KLF8: variants seen among roughly 807,000 people sequenced by gnomAD.
The protein encoded by KLF8 is Krueppel-like factor 8.
KLF8 carries 10 observed loss-of-function variants against 18.2 expected under a neutral mutation model. That is an observed-to-expected ratio of 0.55 (90% CI 0.34 to 0.93). The LOEUF (loss-of-function observed/expected upper bound fraction) is 0.93, where lower values mean the gene tolerates loss of function less well. KLF8 is among the 40% of genes least tolerant of loss of function. The pLI, the probability that KLF8 is intolerant of heterozygous loss-of-function variation, is 0.02. For synonymous variants in KLF8, 109 were observed against 97.3 expected (o/e 1.12, Z -0.71); for missense variants, 264 against 277.9 (o/e 0.95, Z 0.36).
the KLF8 span, among the ~76,000 whole-genome samples, chrX:56,077,933 G>A: frequency 9.0e-6 from 1 of 111,450 alleles, no homozygotes; most frequent in Non-Finnish European, 1.9e-5. Context: ...TCATGATTTG[G>A]CCTCTGTTTG....
At chrX:56,017,582 C>T in the KLF8 span, among the ~76,000 whole-genome samples, 1 of 111,906 alleles carries the variant, frequency 8.9e-6, no homozygotes, top group East Asian at 2.8e-4. Flanking sequence ...AAGTATTCCC[C>T]CAGTGCACTG....
At chrX:56,056,946 T>G in the KLF8 span, among the ~76,000 whole-genome samples, 1 of 110,905 alleles carries the variant, frequency 9.0e-6, no homozygotes, top group African/African-American at 3.3e-5. Context: ...TGTAATGCGG[T>G]TACTGAAGAA....
the KLF8 span, among the ~76,000 whole-genome samples, chrX:56,164,729 CTTTTTT>C: frequency 1.9e-5 from 1 of 51,918 alleles, no homozygotes; most frequent in African/African-American, 8.6e-5. Flanking sequence ...CTTGTTATCT[CTTTTTT>C]TTTTTTTTTT....
the KLF8 span, among the ~76,000 whole-genome samples, chrX:56,099,651 C>T: frequency 9.0e-6 from 1 of 111,342 alleles, no homozygotes; most frequent in African/African-American, 3.3e-5. Flanking sequence ...CACACCAACA[C>T]GAATGCAAAA....
chrX:56,085,107 A>G, the KLF8 span, among the ~76,000 whole-genome samples: 2 of 112,043 alleles, frequency 1.8e-5, no homozygotes, highest in African/African-American at 6.5e-5. Flanking sequence ...TTTCTGAGCT[A>G]ATTAGCCCCA....
chrX:56,172,557 A>C, the KLF8 span, among the ~76,000 whole-genome samples: 1 of 111,749 alleles, frequency 8.9e-6, no homozygotes, highest in African/African-American at 3.3e-5. Flanking sequence ...ATAGTGCCCC[A>C]ATAAACATAT....
At chrX:56,004,949 C>T in the KLF8 span, among the ~76,000 whole-genome samples, 3 of 111,423 alleles carry the variant, frequency 2.7e-5, no homozygotes, top group Non-Finnish European at 3.8e-5. Flanking sequence ...AAGCCACCCA[C>T]TTTGCTCCAG....
At chrX:56,192,991 G>A in the KLF8 span, among the ~76,000 whole-genome samples, 1 of 112,213 alleles carries the variant, frequency 8.9e-6, no homozygotes, top group African/African-American at 3.2e-5. Flanking sequence ...AAGTTAGAAA[G>A]CTCTGCACAA....
the KLF8 span, among the ~76,000 whole-genome samples, chrX:56,009,031 G>A: frequency 9.0e-6 from 1 of 111,283 alleles, no homozygotes; most frequent in South Asian, 3.9e-4. Context: ...GAAGAATCTA[G>A]GCAGTACGGA....
chrX:55,987,342 C>A, the KLF8 span, among the ~76,000 whole-genome samples: 1,418 of 110,238 alleles, frequency 0.013, 11 homozygotes, highest in Non-Finnish European at 0.021. Context: ...TAATGCTATA[C>A]CTCCCCCCTC....
At chrX:56,192,505 G>T in the KLF8 span, among the ~76,000 whole-genome samples, 2 of 111,626 alleles carry the variant, frequency 1.8e-5, no homozygotes, top group Non-Finnish European at 3.8e-5. Context: ...ACCTAAAATA[G>T]CCAAAGCTGT....
At chrX:56,216,495 C>T in the KLF8 span, among the ~76,000 whole-genome samples, 357 of 106,718 alleles carry the variant, frequency 3.3e-3, 1 homozygote, top group African/African-American at 0.012. Context: ...GTAGAGCATA[C>T]CACCATATCT....
At chrX:56,088,404 T>C in the KLF8 span, among the ~76,000 whole-genome samples, 3 of 111,405 alleles carry the variant, frequency 2.7e-5, no homozygotes, top group African/African-American at 9.8e-5. Context: ...ATTGAGTGTA[T>C]AGGTACATTT....
At chrX:56,239,211 A>G (rs2066515247) in intron 1 of KLF8, among the ~76,000 whole-genome samples, 1 of 111,612 alleles carries the variant, frequency 9.0e-6, no homozygotes, top group Non-Finnish European at 1.9e-5. Flanking sequence ...CATCACACGG[A>G]CCTGGGATCT....
the KLF8 span, among the ~76,000 whole-genome samples, chrX:56,027,314 G>A: frequency 8.9e-6 from 1 of 111,880 alleles, no homozygotes; most frequent in East Asian, 2.8e-4. Flanking sequence ...AGTTTCCTCG[G>A]CTCACTGAGG....
the KLF8 span, among the ~76,000 whole-genome samples, chrX:56,176,534 C>T: frequency 5.4e-5 from 6 of 111,676 alleles, no homozygotes; most frequent in Non-Finnish European, 1.1e-4. Flanking sequence ...CTGCTCTTAA[C>T]ATTTTTTCCT....
chrX:56,172,676 G>A, the KLF8 span, among the ~76,000 whole-genome samples: 7 of 111,909 alleles, frequency 6.3e-5, no homozygotes, highest in South Asian at 3.7e-4. Flanking sequence ...CTGAGGAATC[G>A]CCACACTGAC....
the KLF8 span, among the ~76,000 whole-genome samples, chrX:56,176,217 G>A: frequency 1.8e-5 from 2 of 111,808 alleles, no homozygotes; most frequent in South Asian, 7.4e-4. Context: ...TTACAATTTG[G>A]CATGTTTTTG....
chrX:55,951,748 A>G, the KLF8 span, among the ~76,000 whole-genome samples: 1 of 110,774 alleles, frequency 9.0e-6, no homozygotes, highest in Non-Finnish European at 1.9e-5. Flanking sequence ...ATATATATAT[A>G]GGAACAGTGG....
Sources: gnomAD v4.1 joint callset for allele counts (sites outside exome capture counted in the v4.1 genomes callset) on GRCh38, gnomAD v4.1.1 for gene constraint, MANE v1.5 for transcripts, NCBI Gene and HGNC (gene_info 2026-07-23, HGNC 2026-07-21) for gene names.